The following KAT6B variants were observed in gnomAD, a reference collection of about 807,000 sequenced individuals.
The protein encoded by KAT6B is lysine acetyltransferase 6B.
In KAT6B, 10 loss-of-function variants were observed where a neutral mutation model predicts 187.5. The ratio of observed to expected loss-of-function variants is 0.05; its 90% CI spans 0.03 to 0.09. The LOEUF (loss-of-function observed/expected upper bound fraction) is 0.09, where lower values mean the gene tolerates loss of function less well. Ranked by LOEUF, KAT6B falls within the 10% of genes least tolerant of loss-of-function variation. KAT6B has a pLI of 1.00. For synonymous variants in KAT6B, 861 were observed against 926.8 expected (o/e 0.93, Z 1.29); for missense variants, 1,952 against 2,558.9 (o/e 0.76, Z 5.12).
intron 3 of KAT6B, among the ~76,000 whole-genome samples, chr10:74,923,112 T>C (rs1589630067): frequency 1.3e-5 from 2 of 152,284 alleles, no homozygotes; most frequent in African/African-American, 4.8e-5. Context: ...ATTTATTGGG[T>C]GTGGGCTCAG....
intron 3 of KAT6B, among the ~76,000 whole-genome samples, chr10:74,865,904 T>C (rs1843520286): frequency 1.3e-5 from 2 of 152,198 alleles, no homozygotes; most frequent in African/African-American, 4.8e-5. Context: ...ACAGTACAGT[T>C]GACCCTTGAA....
intron 3 of KAT6B, among the ~76,000 whole-genome samples, chr10:74,936,402 CAAA>C (rs1163193286): frequency 1.9e-5 from 2 of 103,008 alleles, no homozygotes; most frequent in African/African-American, 3.6e-5. Context: ...GACTCCATCT[CAAA>C]AAAAAAAAAA....
At chr10:74,854,347 C>T (rs2132211758) in intron 3 of KAT6B, among the ~76,000 whole-genome samples, 2 of 152,278 alleles carry the variant, frequency 1.3e-5, no homozygotes, top group Non-Finnish European at 2.9e-5. Context: ...GTACATATGC[C>T]TCTGCTTGGG....
At chr10:74,915,191 C>T (rs1466967329) in intron 3 of KAT6B, among the ~76,000 whole-genome samples, 2 of 152,026 alleles carry the variant, frequency 1.3e-5, no homozygotes, top group Non-Finnish European at 2.9e-5. Context: ...TACATTATTA[C>T]TATATGCAGC....
chr10:74,953,887 A>C (rs1840487373), intron 3 of KAT6B, among the ~76,000 whole-genome samples: 1 of 152,266 alleles, frequency 6.6e-6, no homozygotes, highest in Non-Finnish European at 1.5e-5. Context: ...GTAATCACAA[A>C]GTAAAATAAA....
chr10:74,863,531 T>C (rs552727125), intron 3 of KAT6B, among the ~76,000 whole-genome samples: 1 of 152,336 alleles, frequency 6.6e-6, no homozygotes, highest in African/African-American at 2.4e-5. Flanking sequence ...GGAAGCATAT[T>C]ATCAAAAACT....
At chr10:75,024,428 C>CAGGAAA (rs1466688760) in intron 16 of KAT6B, among the ~76,000 whole-genome samples, 1 of 152,152 alleles carries the variant, frequency 6.6e-6, no homozygotes, top group Non-Finnish European at 1.5e-5. Flanking sequence ...GGTACCTTTC[C>CAGGAAA]TTTCCTTTTC....
intron 13 of KAT6B, among the ~76,000 whole-genome samples, chr10:75,011,404 C>G (rs1844597508): frequency 6.6e-6 from 1 of 152,106 alleles, no homozygotes; most frequent in Non-Finnish European, 1.5e-5. Flanking sequence ...ATGCTGAAGG[C>G]CATAGCACTG....
intron 3 of KAT6B, among the ~76,000 whole-genome samples, chr10:74,856,406 A>G (rs963231473): frequency 6.6e-6 from 1 of 152,064 alleles, no homozygotes; most frequent in Admixed American, 6.6e-5. Context: ...CTTTTCATCC[A>G]GGATCCAACC....
intron 3 of KAT6B, among the ~76,000 whole-genome samples, chr10:74,897,883 T>C (rs1416958722): frequency 6.6e-6 from 1 of 152,214 alleles, no homozygotes; most frequent in Admixed American, 6.5e-5. Context: ...TTTCATTCTT[T>C]AGAACTTGAA....
intron 13 of KAT6B, among the ~76,000 whole-genome samples, chr10:75,010,561 T>C (rs1490972110): frequency 6.6e-6 from 1 of 152,204 alleles, no homozygotes; most frequent in African/African-American, 2.4e-5. Context: ...AGCTGGTACA[T>C]ACACACAACA....
chr10:74,896,366 A>C lies in KAT6B; in HGVS notation c.621+52888A>C, dbSNP rs145547228. Among the ~76,000 whole-genome samples the C allele has an allele frequency of 6.0e-3, 911 of 152,222 alleles. 3 individuals carry two copies. The highest frequency in any genetic ancestry group is 0.017 in the Middle Eastern group (5 of 294). ...GTACAGTGGCACGGGATCTCGGCTC[A>C]CTGCAACCCCCGCCTCCTGGGTTCA... On this transcript the variant is annotated intron_variant, in intron 3 of 17. Coordinates refer to ENST00000287239, the MANE Select transcript of KAT6B (RefSeq NM_012330.4).
At chr10:75,012,229 C>T (rs1844658918) in intron 13 of KAT6B, among the ~76,000 whole-genome samples, 2 of 152,126 alleles carry the variant, frequency 1.3e-5, no homozygotes, top group Non-Finnish European at 2.9e-5. Context: ...AGGAGGGTTG[C>T]TTGAGCCGAG....
chr10:74,862,196 A>C (rs966982144), intron 3 of KAT6B, among the ~76,000 whole-genome samples: 9 of 152,228 alleles, frequency 5.9e-5, no homozygotes, highest in African/African-American at 2.2e-4. Flanking sequence ...AGTAATATTT[A>C]TGTAATTCTT....
Position 74,843,169 on chromosome 10 carries a change from T to C in KAT6B, c.312T>C (p.Asn104=). 1 of 1,614,184 alleles carries C rather than the reference T, an allele frequency of 6.2e-7. No homozygotes were observed. The highest frequency in any genetic ancestry group is 2.2e-5 in the East Asian group (1 of 44,886). The change falls in exon 3 of 18, where the codon AAT becomes AAC. Residue 104 remains asparagine, a synonymous_variant. Transcript: ENST00000287239. ...GAGGATCATGTAATGATCTCCGCAATGTGGATTGGAATAAACTTTTAAGGA... is the reference window on the plus strand; with the variant it reads ...GAGGATCATGTAATGATCTCCGCAACGTGGATTGGAATAAACTTTTAAGGA... ...GSRGSCNDLR[N]VDWNKLLRRA... is the part of the protein sequence containing the mutation.
At chr10:74,857,475 A>G (rs532272657) in intron 3 of KAT6B, among the ~76,000 whole-genome samples, 5 of 152,326 alleles carry the variant, frequency 3.3e-5, no homozygotes, top group African/African-American at 4.8e-5. Context: ...TAAAGGATGC[A>G]TATTATTAGA....
intron 3 of KAT6B, among the ~76,000 whole-genome samples, chr10:74,850,100 G>A (rs1160458231): frequency 6.6e-6 from 1 of 151,956 alleles, no homozygotes; most frequent in South Asian, 2.1e-4. Context: ...CACCACGCCC[G>A]GCTAATTTTT....
At position 75,029,166 on chromosome 10, in the gene KAT6B, A is replaced by G. The variant is rs1172829643; in HGVS notation, c.4342A>G (p.Ser1448Gly). 5 of 1,614,038 alleles carry G rather than the reference A, an allele frequency of 3.1e-6. No homozygotes were observed. The Admixed American group carries it at 6.7e-5, about 22-fold the overall frequency. Reference sequence around the variant, plus strand: ...GGAGAAGGAAGAGCTGCCCAGAGAAAGCTTCAAAGAAGTACTGGAAAACCA... The same window carrying G: ...GGAGAAGGAAGAGCTGCCCAGAGAAGGCTTCAAAGAAGTACTGGAAAACCA... ...EVEKEELPRE[S>G]FKEVLENQET... is the part of the protein sequence containing the mutation. The change falls in exon 18 of 18, where the codon AGC becomes GGC. Residue 1448 changes from serine to glycine, a missense_variant. This residue lies in a region of KAT6B where 758 missense variants were observed against 891.4 expected (regional missense o/e 0.85). Transcript: ENST00000287239. The surrounding 1 kb of genome is among the most constrained non-coding windows in gnomAD (Gnocchi z 6.2).
Position 75,030,516 on chromosome 10 carries a change from C to T in KAT6B, c.5692C>T (p.Arg1898Trp), listed in dbSNP as rs1846234095. 1.9e-6 allele frequency: 3 copies of T among 1,609,000 alleles called. No homozygotes were observed. The highest frequency in any genetic ancestry group is 1.7e-5 in the Admixed American group (1 of 59,798). ...PMNLPPPLLQ[R>W]NMAASNIGIS... Reference sequence around the variant, plus strand: ...GAATCTGCCGCCGCCTCTTTTGCAACGGAACATGGCTGCATCAAATATTGG... The same window carrying T: ...GAATCTGCCGCCGCCTCTTTTGCAATGGAACATGGCTGCATCAAATATTGG... Residue 1898 changes from arginine to tryptophan, a missense_variant, in exon 18 of 18, where the codon CGG becomes TGG. Arg to Trp is a moderately radical substitution (Grantham distance 101). Coordinates refer to ENST00000287239, the MANE Select transcript of KAT6B (RefSeq NM_012330.4). The surrounding 1 kb of genome is among the most constrained non-coding windows in gnomAD (Gnocchi z 4.8).
Sources: allele counts gnomAD v4.1 joint callset (sites outside exome capture counted in the v4.1 genomes callset), GRCh38; gene constraint gnomAD v4.1.1; regional missense constraint gnomAD v4.1.1; non-coding constraint Gnocchi (gnomAD v3.1); transcripts MANE v1.5; gene names NCBI Gene and HGNC (gene_info 2026-07-23, HGNC 2026-07-21).